RORB: variants seen among roughly 807,000 people sequenced by gnomAD.
RORB encodes nuclear receptor ROR-beta.
A neutral mutation model predicts 59.1 loss-of-function variants in RORB; 6 were observed. That is an observed-to-expected ratio of 0.10 (90% CI 0.06 to 0.20). The LOEUF (loss-of-function observed/expected upper bound fraction) is 0.20, where lower values mean the gene tolerates loss of function less well. RORB is among the 10% of genes least tolerant of loss of function. The pLI is 1.00. For missense variants in RORB, 320 were observed against 560.5 expected (o/e 0.57, Z 4.33); for synonymous variants, 215 against 204.5 (o/e 1.05, Z -0.44).
At chr9:74,605,852 A>C (rs895245286) in intron 1 of RORB, among the ~76,000 whole-genome samples, 4 of 152,194 alleles carry the variant, frequency 2.6e-5, no homozygotes, top group Admixed American at 2.6e-4. Flanking sequence ...CATTAGAATC[A>C]GGCTGGAGAG....
intron 1 of RORB, among the ~76,000 whole-genome samples, chr9:74,538,264 G>T (rs1299533380): frequency 1.3e-5 from 2 of 152,010 alleles, no homozygotes; most frequent in Non-Finnish European, 2.9e-5. Flanking sequence ...CACCTAACAT[G>T]CATGTCTCTG....
chr9:74,587,409 C>T, intron 1 of RORB, among the ~76,000 whole-genome samples: 1 of 152,334 alleles, frequency 6.6e-6, no homozygotes, highest in East Asian at 1.9e-4. Flanking sequence ...TGGAATTTCC[C>T]TCTTGCCTAT....
At chr9:74,526,967 G>A (rs1040999558) in intron 1 of RORB, among the ~76,000 whole-genome samples, 11 of 151,910 alleles carry the variant, frequency 7.2e-5, no homozygotes, top group African/African-American at 2.4e-4. Flanking sequence ...TGAATGGAAC[G>A]TTGGGATTAA....
At chr9:74,648,424 C>T (rs1433997180) in intron 4 of RORB, among the ~76,000 whole-genome samples, 1 of 152,212 alleles carries the variant, frequency 6.6e-6, no homozygotes, top group African/African-American at 2.4e-5. Flanking sequence ...GACTATGGTT[C>T]TCTCATCTTC....
intron 1 of RORB, among the ~76,000 whole-genome samples, chr9:74,504,245 T>C (rs1450617090): frequency 6.6e-6 from 1 of 152,034 alleles, no homozygotes; most frequent in Non-Finnish European, 1.5e-5. Flanking sequence ...ATTTAAAACA[T>C]TAAAAAATAA....
chr9:74,572,982 G>A (rs1244718043), intron 1 of RORB, among the ~76,000 whole-genome samples: 2 of 152,088 alleles, frequency 1.3e-5, no homozygotes, highest in African/African-American at 4.8e-5. Flanking sequence ...TCTTTTAATT[G>A]TAGATCACAA....
chr9:74,548,786 A>G (rs1192341384), intron 1 of RORB, among the ~76,000 whole-genome samples: 3 of 152,234 alleles, frequency 2.0e-5, no homozygotes, highest in East Asian at 3.8e-4. Context: ...CTTATTTTCT[A>G]TACATAATAC....
rs1392311127 is a variant in RORB, at chr9:74,516,801, T to C, written c.7+18818T>C. The stretch of plus-strand genomic sequence containing the variant: ...GTGCACTTGATTTGAGTCTGGTGTT[T>C]TTTCCTTATATTTATTTATATTTGT... On this transcript the variant is annotated intron_variant, in intron 1 of 9. Transcript: ENST00000376896. Among the ~76,000 whole-genome samples the C allele has an allele frequency of 2.0e-5, 3 of 152,158 alleles. No individual in the cohort carries two copies. In the East Asian group the frequency reaches 5.8e-4, roughly 30 times the overall value.
At chr9:74,581,024 C>T (rs1235941970) in intron 1 of RORB, among the ~76,000 whole-genome samples, 1 of 152,118 alleles carries the variant, frequency 6.6e-6, no homozygotes, top group Non-Finnish European at 1.5e-5. Flanking sequence ...AATTTCTTCC[C>T]TCTACATTAA....
intron 1 of RORB, among the ~76,000 whole-genome samples, chr9:74,510,744 A>C (rs1300819983): frequency 6.6e-6 from 1 of 152,194 alleles, no homozygotes; most frequent in African/African-American, 2.4e-5. Context: ...CACTTCAAAA[A>C]ATTGTACCAG....
In RORB at chr9:74,689,645, G is replaced by T. The variant is rs1355988144; in HGVS notation, c.*4027G>T. 1 of 152,202 alleles carries T rather than the reference G, an allele frequency of 6.6e-6. No homozygotes were observed. The allele number at this position is 152,202 out of a possible 1,614,324, so 9.4% of individuals were successfully genotyped here. On this transcript the variant is annotated 3_prime_UTR_variant, in exon 10 of 10. Transcript: ENST00000376896. ...TATTAACAAGAGGTGCCAGGGAGGTGTCAGTACATTTCCTATCATAGCTGC... is the reference window on the plus strand; with the variant it reads ...TATTAACAAGAGGTGCCAGGGAGGTTTCAGTACATTTCCTATCATAGCTGC...
At chr9:74,659,497 T>C (rs1824145423) in intron 4 of RORB, among the ~76,000 whole-genome samples, 1 of 151,956 alleles carries the variant, frequency 6.6e-6, no homozygotes, top group Non-Finnish European at 1.5e-5. Context: ...TTGTTTTGTT[T>C]TGTTTTGCTT....
At chr9:74,637,235 C>G (rs1206869722) in intron 3 of RORB, among the ~76,000 whole-genome samples, 1 of 152,190 alleles carries the variant, frequency 6.6e-6, no homozygotes, top group African/African-American at 2.4e-5. Context: ...TGCATTTGCT[C>G]TCTGTCAATT....
At chr9:74,502,610 AATATT>A (rs1469328276) in intron 1 of RORB, among the ~76,000 whole-genome samples, 3 of 152,104 alleles carry the variant, frequency 2.0e-5, no homozygotes, top group Non-Finnish European at 4.4e-5. Context: ...TTAATAGTTT[AATATT>A]ATAACTTTAA....
At chr9:74,585,680 T>A (rs1349010498) in intron 1 of RORB, among the ~76,000 whole-genome samples, 1 of 152,206 alleles carries the variant, frequency 6.6e-6, no homozygotes, top group Non-Finnish European at 1.5e-5. Flanking sequence ...TATAAAAAGC[T>A]ATTCACATGG....
intron 4 of RORB, among the ~76,000 whole-genome samples, chr9:74,658,419 C>A (rs1186210124): frequency 2.6e-5 from 4 of 152,144 alleles, no homozygotes; most frequent in Non-Finnish European, 4.4e-5. Context: ...TCCTCATAAA[C>A]CATAGACTCC....
At chr9:74,554,510 T>G (rs1466310721) in intron 1 of RORB, among the ~76,000 whole-genome samples, 4 of 151,970 alleles carry the variant, frequency 2.6e-5, no homozygotes, top group African/African-American at 9.7e-5. Context: ...TAGCCATGGC[T>G]AAACCTTAGA....
intron 1 of RORB, among the ~76,000 whole-genome samples, chr9:74,593,736 AT>A (rs1280527968): frequency 6.6e-6 from 1 of 152,214 alleles, no homozygotes; most frequent in African/African-American, 2.4e-5. Context: ...CTGCAGGAAA[AT>A]GCACTAATCC....
chr9:74,581,157 C>A (rs942983717), intron 1 of RORB, among the ~76,000 whole-genome samples: 1 of 152,184 alleles, frequency 6.6e-6, no homozygotes, highest in Non-Finnish European at 1.5e-5. Context: ...CATGAAAATT[C>A]ACCAGGCCCT....
Sources: gnomAD v4.1 joint callset for allele counts (sites outside exome capture counted in the v4.1 genomes callset) on GRCh38, gnomAD v4.1.1 for gene constraint, MANE v1.5 for transcripts, NCBI Gene and HGNC (gene_info 2026-07-23, HGNC 2026-07-21) for gene names.